Variants in MUSK observed in about 807,000 individuals in gnomAD.
MUSK encodes muscle, skeletal receptor tyrosine-protein kinase.
A neutral mutation model predicts 88.7 loss-of-function variants in MUSK; 55 were observed. That is an observed-to-expected ratio of 0.62 (90% CI 0.50 to 0.78). MUSK has a LOEUF of 0.78. Among genes scored for constraint, MUSK ranks in the 30% least tolerant of loss-of-function variants. The probability of loss-of-function intolerance (pLI) is 0.00; values close to 1 mark genes in which losing one functional copy is unlikely to be tolerated. For missense variants in MUSK, 1,015 were observed against 1,074.3 expected, an observed-to-expected ratio of 0.94 and a Z score of 0.77; for synonymous variants, 387 against 391.9, an observed-to-expected ratio of 0.99 and a Z score of 0.15.
At chr9:110,717,141 G>T (rs938693051) in intron 5 of MUSK, among the ~76,000 whole-genome samples, 4 of 149,124 alleles carry the variant, frequency 2.7e-5, no homozygotes, top group African/African-American at 1.0e-4. Flanking sequence ...TTCTTTAGAC[G>T]ATTTCTATCA....
At chr9:110,728,815 T>G (rs909857669) in intron 5 of MUSK, 13 of 933,436 alleles carry the variant, frequency 1.4e-5, no homozygotes, top group Non-Finnish European at 2.0e-5. Context: ...AGTGCCATTT[T>G]TAAAGAAATA....
At position 110,685,810 on chromosome 9, in the gene MUSK, G is replaced by A. The variant is rs114773993; in HGVS notation, c.207-1307G>A. 5.7e-3 allele frequency among the ~76,000 whole-genome samples: 860 copies of A among 152,100 alleles called. 7 individuals are homozygous for A. The highest frequency in any genetic ancestry group is 0.019 in the African/African-American group (769 of 41,480). ...CTCAGGAGCAGAATCATTAACACAC[G>A]TATTTCTATTAACAGTCTCTTTGAG... On this transcript the variant is annotated intron_variant, in intron 2 of 14. Transcript: ENST00000374448.
rs753330850 is a variant in MUSK at position 110,697,336 on chromosome 9, A to C, written c.498A>C (p.Arg166=). 2 of 1,612,702 alleles carry C rather than the reference A, an allele frequency of 1.2e-6. No homozygotes were observed. The highest frequency in any genetic ancestry group is 3.3e-5 in the Admixed American group (2 of 59,926). Residue 166 remains arginine, a synonymous_variant, in exon 5 of 15, where the codon CGA becomes CGC. Transcript: ENST00000374448. ...CCTATCTCTGGCAGGAAAATTCCCG[A>C]ATTGCAGTTCTTGAATCTGGGAGCT... The part of the protein sequence containing the change: ...KGDSPLRENS[R]IAVLESGSLR...
chr9:110,697,191 A>G (rs780745353), intron 4 of MUSK, 134 bp from the exon 5 acceptor site: 11 of 859,340 alleles, frequency 1.3e-5, no homozygotes, highest in Admixed American at 6.7e-5. Flanking sequence ...GTTTTACATA[A>G]TAAGTGGCCA....
intron 8 of MUSK, among the ~76,000 whole-genome samples, chr9:110,764,639 G>A (rs2846456): frequency 0.09 from 13,005 of 144,976 alleles, 611 homozygotes; most frequent in Middle Eastern, 0.15. Flanking sequence ...AGATAGATAG[G>A]TAGGTAGATC....
intron 9 of MUSK, among the ~76,000 whole-genome samples, chr9:110,774,803 G>A (rs56723388): frequency 0.029 from 4,365 of 151,790 alleles, 218 homozygotes; most frequent in African/African-American, 0.1. Context: ...GCACATATTG[G>A]CAAGTTAGGA....
rs1451273617 is a variant in MUSK, at chr9:110,712,946, A to G, written c.628+15480A>G. On this transcript the variant is annotated intron_variant, in intron 5 of 14. Transcript: ENST00000374448. ...GAAGTTTGTGTAGGGTTATATACAC[A>G]GGACAGAGGAGATAGGGAAAGGTCA... Among the ~76,000 whole-genome samples, 5 of 152,336 alleles carry G rather than the reference A, an allele frequency of 3.3e-5. No homozygotes were observed. The South Asian group carries it at 8.3e-4, about 25-fold the overall frequency.
At chr9:110,757,454 G>C (rs112919886) in intron 7 of MUSK, among the ~76,000 whole-genome samples, 3,111 of 139,628 alleles carry the variant, frequency 0.022, 101 homozygotes, top group African/African-American at 0.077. Context: ...GTGAGACTCT[G>C]TCTTGAAAAA....
intron 8 of MUSK, among the ~76,000 whole-genome samples, chr9:110,765,456 T>A (rs1369514397): frequency 6.6e-6 from 1 of 152,178 alleles, no homozygotes; most frequent in African/African-American, 2.4e-5. Context: ...ATCCTAACAG[T>A]CATGGCTGAC....
chr9:110,744,117 G>A (rs2077140746), intron 6 of MUSK, among the ~76,000 whole-genome samples: 1 of 152,112 alleles, frequency 6.6e-6, no homozygotes, highest in Non-Finnish European at 1.5e-5. Flanking sequence ...ACAGGTGGGT[G>A]CCATCAAGCC....
chr9:110,784,078 T>C (rs1384699136), intron 11 of MUSK, among the ~76,000 whole-genome samples: 3 of 152,166 alleles, frequency 2.0e-5, no homozygotes, highest in East Asian at 1.9e-4. Flanking sequence ...TTATTCTCTA[T>C]TTTTGGGTAC....
At chr9:110,691,590 C>CTT (rs2076356417) in intron 3 of MUSK, among the ~76,000 whole-genome samples, 2 of 152,036 alleles carry the variant, frequency 1.3e-5, no homozygotes, top group Admixed American at 1.3e-4. Flanking sequence ...ATCTCATGGC[C>CTT]TCCTGTCCTG....
chr9:110,679,648 C>T (rs1012818591), intron 1 of MUSK, among the ~76,000 whole-genome samples: 1 of 151,540 alleles, frequency 6.6e-6, no homozygotes, highest in African/African-American at 2.4e-5. Flanking sequence ...TTTGTTTTTG[C>T]TTTTGTTTTT....
chr9:110,757,777 TAA>T (rs544653440), intron 7 of MUSK, among the ~76,000 whole-genome samples: 49 of 152,258 alleles, frequency 3.2e-4, no homozygotes, highest in African/African-American at 1.1e-3. Context: ...TCCTTTATTA[TAA>T]GAGTCTATGA....
rs1055797439 is a variant in MUSK, at chr9:110,804,162, TAATC to T, written c.*3179_*3182del. Among the ~76,000 whole-genome samples, 1 of 152,210 alleles carries T rather than the reference TAATC, an allele frequency of 6.6e-6. No individual in the cohort carries two copies. Among genetic ancestry groups the T allele is most frequent in the Admixed American group, 6.5e-5 (1 of 15,286 alleles). ...TTTTATTCATATACTGTAATTTAGCTAATCAATCTTGTATTTTTGAACATTTAGG... is the reference window on the plus strand; with the variant it reads ...TTTTATTCATATACTGTAATTTAGCTAATCTTGTATTTTTGAACATTTAGG... On this transcript the variant is annotated 3_prime_UTR_variant, in exon 15 of 15. Transcript: ENST00000374448.
chr9:110,775,709 C>T (rs917030324), intron 9 of MUSK, 79 bp from the exon 10 acceptor site: 3 of 1,350,954 alleles, frequency 2.2e-6, no homozygotes, highest in East Asian at 4.6e-5. Flanking sequence ...GTCTTGAAAA[C>T]ACAGAATTTA....
At chr9:110,707,037 AAGAG>A (rs139192477) in intron 5 of MUSK, among the ~76,000 whole-genome samples, 67 of 148,262 alleles carry the variant, frequency 4.5e-4, no homozygotes, top group African/African-American at 1.6e-3. Context: ...GAAACAAATA[AAGAG>A]AGAGAGAGAG....
At position 110,781,264 on chromosome 9, in the gene MUSK, TTG is replaced by T. The variant is rs1014375803; in HGVS notation, c.1385-3549_1385-3548del. On this transcript the variant is annotated intron_variant, in intron 11 of 14. Coordinates refer to ENST00000374448, the MANE Select transcript of MUSK (RefSeq NM_005592.4). ...ACACGTTTGTGTGTGTTTTTTTGTTTTGTTTTGTTTTGTTTTGTTTTGTTTTG... is the reference window on the plus strand; with the variant it reads ...ACACGTTTGTGTGTGTTTTTTTGTTTTTTTGTTTTGTTTTGTTTTGTTTTG... Among the ~76,000 whole-genome samples, 5 of 151,250 alleles carry T rather than the reference TTG, an allele frequency of 3.3e-5. No individual in the cohort carries two copies. In the South Asian group the frequency reaches 6.3e-4, roughly 19 times the overall value.
chr9:110,765,570 G>A (rs776297786), intron 8 of MUSK, among the ~76,000 whole-genome samples: 14 of 136,674 alleles, frequency 1.0e-4, no homozygotes, highest in Non-Finnish European at 1.8e-4. Context: ...CCCAGATACA[G>A]GGAAAGCAAT....
Sources: gnomAD v4.1 joint callset for allele counts (sites outside exome capture counted in the v4.1 genomes callset) on GRCh38, gnomAD v4.1.1 for gene constraint, MANE v1.5 for transcripts, NCBI Gene and HGNC (gene_info 2026-07-23, HGNC 2026-07-21) for gene names.